CRYZL1: variants seen among roughly 807,000 people sequenced by gnomAD.
CRYZL1 encodes the protein ferry endosomal RAB5 effector complex subunit 4.
Under a neutral mutation model 50.6 loss-of-function variants are expected in CRYZL1, and 34 were observed. The observed-to-expected ratio is 0.67, with a 90% CI of 0.51 to 0.89. CRYZL1 has a LOEUF of 0.89. CRYZL1 is among the 40% of genes least tolerant of loss of function. The pLI is 0.00. For synonymous variants in CRYZL1, 125 were observed against 134.3 expected, an observed-to-expected ratio of 0.93 and a Z score of 0.48; for missense variants, 354 against 402.3, an observed-to-expected ratio of 0.88 and a Z score of 1.03.
chr21:33,593,482 G>A (rs1271220570), intron 11 of CRYZL1, among the ~76,000 whole-genome samples: 8 of 152,154 alleles, frequency 5.3e-5, no homozygotes, highest in Non-Finnish European at 1.0e-4. Flanking sequence ...TCCTACTGCT[G>A]TTAATAAAAT....
intron 1 of CRYZL1, among the ~76,000 whole-genome samples, chr21:33,631,759 G>A (rs1422431883): frequency 6.6e-6 from 1 of 152,086 alleles, no homozygotes; most frequent in Non-Finnish European, 1.5e-5. Flanking sequence ...TACTGAGAAT[G>A]GGTTTACAGT....
At chr21:33,628,009 T>G (rs1218457827) in intron 2 of CRYZL1, among the ~76,000 whole-genome samples, 2 of 152,156 alleles carry the variant, frequency 1.3e-5, no homozygotes, top group Non-Finnish European at 2.9e-5. Flanking sequence ...CCTTCCAAAG[T>G]GCTGGGATTA....
At chr21:33,596,014 A>G in intron 10 of CRYZL1, 178 bp from the exon 11 acceptor site, 2 of 620,960 alleles carry the variant, frequency 3.2e-6, no homozygotes, top group South Asian at 1.9e-5. Context: ...CAAAATGATG[A>G]AACAGCGAGG....
intron 3 of CRYZL1, among the ~76,000 whole-genome samples, chr21:33,623,098 T>C (rs1480534239): frequency 6.6e-6 from 1 of 151,936 alleles, no homozygotes. Flanking sequence ...CCTGAGTAGA[T>C]GGGACTACAG....
rs548619407 is a variant in CRYZL1, at chr21:33,604,898, G to A, written c.332-1361C>T. Among the ~76,000 whole-genome samples, 96 of 152,258 alleles carry A rather than the reference G, an allele frequency of 6.3e-4. 1 individual carries two copies. Among genetic ancestry groups the A allele is most frequent in the South Asian group, 4.8e-3 (23 of 4,828 alleles). ...ATCCTAGGTCCCAGGTATATTATCTGTTCCTTAACTACACCTTTCCAAAGT... is the reference window on the plus strand; with the variant it reads ...ATCCTAGGTCCCAGGTATATTATCTATTCCTTAACTACACCTTTCCAAAGT... On this transcript the variant is annotated intron_variant, in intron 6 of 12. Coordinates refer to ENST00000381554, the MANE Select transcript of CRYZL1 (RefSeq NM_145858.3).
In CRYZL1 at chr21:33,613,604, T is replaced by C. The variant is rs1229088216; in HGVS notation, c.265A>G (p.Ile89Val). The C allele has an allele frequency of 6.2e-7, 1 of 1,610,320 alleles. No individual in the cohort carries two copies. Among genetic ancestry groups the C allele is most frequent in the Non-Finnish European group, 8.5e-7 (1 of 1,176,896 alleles). The change falls in exon 6 of 13, where the codon ATT becomes GTT. Residue 89 changes from isoleucine (I) to valine (V), a missense_variant and splice_region_variant. Coordinates refer to ENST00000381554, the MANE Select transcript of CRYZL1 (RefSeq NM_145858.3). ...GGGTCTTCAGAGTCCAGGGGCAAAATTCCTAAAAATCAAAACAAGAAATTA... is the reference window on the plus strand; with the variant it reads ...GGGTCTTCAGAGTCCAGGGGCAAAACTCCTAAAAATCAAAACAAGAAATTA... ...FFQPDDEVVG[I>V]LPLDSEDPGL...
intron 7 of CRYZL1, 152 bp from the exon 8 acceptor site, chr21:33,602,497 G>A: frequency 2.2e-6 from 1 of 446,350 alleles, no homozygotes; most frequent in Non-Finnish European, 3.9e-6. Context: ...CAAAGTTATG[G>A]GCAAGTTTAA....
At chr21:33,637,772 T>TATATAC (rs2087227127) in intron 1 of CRYZL1, among the ~76,000 whole-genome samples, 1 of 146,010 alleles carries the variant, frequency 6.8e-6, no homozygotes, top group Admixed American at 6.9e-5. Context: ...TATATATATA[T>TATATAC]ATATATATAT....
chr21:33,634,202 G>C (rs1215758907), intron 1 of CRYZL1, among the ~76,000 whole-genome samples: 1 of 152,160 alleles, frequency 6.6e-6, no homozygotes, highest in African/African-American at 2.4e-5. Context: ...GGGGAGAACC[G>C]AAGCATGGAT....
At chr21:33,613,723 T>G in intron 5 of CRYZL1, 117 bp from the exon 6 acceptor site, 2 of 703,690 alleles carry the variant, frequency 2.8e-6, no homozygotes, top group Non-Finnish European at 2.5e-6. Flanking sequence ...CAGTAATTAC[T>G]AGTGTGGACA....
chr21:33,604,124 T>C (rs2086785458), intron 6 of CRYZL1, among the ~76,000 whole-genome samples: 2 of 151,826 alleles, frequency 1.3e-5, no homozygotes, highest in South Asian at 4.1e-4. Flanking sequence ...TCCTAGCACT[T>C]TGGGAGGCCG....
At chr21:33,626,307 T>C (rs1290474964) in intron 2 of CRYZL1, among the ~76,000 whole-genome samples, 2 of 152,210 alleles carry the variant, frequency 1.3e-5, no homozygotes, top group Non-Finnish European at 2.9e-5. Context: ...CCTTAACATG[T>C]GCCTTGGGCA....
At chr21:33,634,655 C>G (rs898892484) in intron 1 of CRYZL1, among the ~76,000 whole-genome samples, 1 of 151,702 alleles carries the variant, frequency 6.6e-6, no homozygotes, top group East Asian at 1.9e-4. Context: ...CTAGAATTGC[C>G]TTTTTGAGAA....
At chr21:33,608,719 G>T (rs1253109163) in intron 6 of CRYZL1, among the ~76,000 whole-genome samples, 1 of 152,072 alleles carries the variant, frequency 6.6e-6, no homozygotes, top group Non-Finnish European at 1.5e-5. Flanking sequence ...CTTTTTAAAG[G>T]CTGAACAGTA....
intron 1 of CRYZL1, among the ~76,000 whole-genome samples, chr21:33,634,456 C>G (rs1458497433): frequency 1.3e-5 from 2 of 152,122 alleles, no homozygotes; most frequent in African/African-American, 4.8e-5. Context: ...AGTTCTACCC[C>G]CTCTCTGGAA....
At chr21:33,636,194 T>C (rs1275555576) in intron 1 of CRYZL1, among the ~76,000 whole-genome samples, 2 of 151,966 alleles carry the variant, frequency 1.3e-5, no homozygotes, top group African/African-American at 2.4e-5. Context: ...GCCCAGGAGT[T>C]CCACAGCCTG....
chr21:33,592,784 GC>G (rs989822273), intron 11 of CRYZL1, among the ~76,000 whole-genome samples: 2 of 152,126 alleles, frequency 1.3e-5, no homozygotes, highest in Admixed American at 1.3e-4. Flanking sequence ...GGGTGCGGTG[GC>G]TAACGCCTGT....
chr21:33,599,179 A>T lies in CRYZL1; in HGVS notation c.647T>A (p.Leu216Gln). The T allele has an allele frequency of 6.2e-7, 1 of 1,614,078 alleles. No homozygotes were observed. The highest frequency in any genetic ancestry group is 8.5e-7 in the Non-Finnish European group (1 of 1,179,940). Residue 216 changes from leucine (L) to glutamine (Q), a missense_variant, in exon 9 of 13, where the codon CTG (leucine) becomes CAG (glutamine). Leu to Gln is a moderately radical substitution (Grantham distance 113). Coordinates refer to ENST00000381554, the MANE Select transcript of CRYZL1 (RefSeq NM_145858.3). ...AESCLEETGG[L>Q]GVDIVLDAGV... The stretch of plus-strand genomic sequence containing the variant: ...AGCATCTAGGACAATATCTACTCCC[A>T]GGCCACCTGTTTCTTCCAAACAGCT...
At chr21:33,605,540 T>TTTTTTTTTTTTTTTTTTTTTTTTTTTTTA (rs1569085226) in intron 6 of CRYZL1, among the ~76,000 whole-genome samples, 1 of 133,442 alleles carries the variant, frequency 7.5e-6, no homozygotes, top group African/African-American at 2.8e-5. Context: ...CTTTTTTTTT[T>TTTTTTTTTTTTTTTTTTTTTTTTTTTTTA]GAGATGGAGT....
Sources: allele counts gnomAD v4.1 joint callset (sites outside exome capture counted in the v4.1 genomes callset), GRCh38; gene constraint gnomAD v4.1.1; transcripts MANE v1.5; gene names NCBI Gene and HGNC (gene_info 2026-07-23, HGNC 2026-07-21).